The following SMIM30 variants were observed in gnomAD, a reference collection of about 807,000 sequenced individuals.
The protein encoded by SMIM30 is long intergenic non-protein coding RNA 998.
For missense variants in SMIM30, 43 were observed against 27.6 expected (o/e 1.56, Z -1.25); for synonymous variants, 19 against 11.5 (o/e 1.65, Z -1.31).
chr7:113,117,488 T>C lies in SMIM30; in HGVS notation c.91A>G (p.Ile31Val), dbSNP rs1794701113. Residue 31 changes from isoleucine to valine, a missense_variant, in exon 3 of 3, where the codon ATC becomes GTC. Ile to Val is a conservative substitution (Grantham distance 29). Transcript: ENST00000397764. ...VVEAVEAGDAIALLLGVVLSI... is the reference protein window; with the variant it reads ...VVEAVEAGDAVALLLGVVLSI... ...AGAACCACACCTAACAAAAGGGCGA[T>C]TGCATCACCGGCTTCTACTGCTTCC... is the stretch of plus-strand genomic sequence containing the variant. 2.8e-6 allele frequency: 2 copies of C among 702,780 alleles called. No homozygotes were observed. The highest frequency in any genetic ancestry group is 5.2e-6 in the Non-Finnish European group (2 of 384,894). 43.5% of individuals were successfully genotyped at this position (702,780 alleles called of 1,614,324 possible). A position where few individuals can be genotyped will look rare whatever the true frequency, so the allele number is the denominator to read the frequency against.
Position 113,117,354 on chromosome 7 carries a change from G to A in SMIM30, c.*45C>T, listed in dbSNP as rs999306451. 8.6e-6 allele frequency: 6 copies of A among 701,170 alleles called. No homozygotes were observed. Among genetic ancestry groups the A allele is most frequent in the Middle Eastern group, 2.3e-4 (1 of 4,386 alleles). The allele number at this position is 701,170 out of a possible 1,614,324, so 43.4% of individuals were successfully genotyped here. On this transcript the variant is annotated 3_prime_UTR_variant, in exon 3 of 3. Coordinates refer to ENST00000397764, the MANE Select transcript of SMIM30 (RefSeq NM_001352688.2). ...AAATCTCAGGTTTAGCCTCTAAAGC[G>A]CAAAGGTTTTCAGGGTGAGGTTTGA...
At chr7:113,117,822 A>T (rs1794710480) in intron 2 of SMIM30, 5 of 510,298 alleles carry the variant, frequency 9.8e-6, no homozygotes, top group Admixed American at 9.6e-5. Flanking sequence ...AACACTCTAA[A>T]CCCAGGAATT....
In SMIM30 at chr7:113,117,099, T is replaced by A. The variant is rs1201210044; in HGVS notation, c.*300A>T. On this transcript the variant is annotated 3_prime_UTR_variant, in exon 3 of 3. Coordinates refer to ENST00000397764, the MANE Select transcript of SMIM30 (RefSeq NM_001352688.2). Reference sequence around the variant, plus strand: ...AGAACTTCCTTCTTCCTATTTCACATGCTTTGAGAGAATTCTAAGATTATG... The same window carrying A: ...AGAACTTCCTTCTTCCTATTTCACAAGCTTTGAGAGAATTCTAAGATTATG... The A allele has an allele frequency of 9.5e-6, 3 of 314,456 alleles. No homozygotes were observed. Among genetic ancestry groups the A allele is most frequent in the Non-Finnish European group, 1.8e-5 (3 of 163,202 alleles). 19.5% of individuals were successfully genotyped at this position (314,456 alleles called of 1,614,324 possible). A position where few individuals can be genotyped will look rare whatever the true frequency, so the allele number is the denominator to read the frequency against.
rs1235686466 is a variant in SMIM30 at position 113,117,224 on chromosome 7, AC to A, written c.*174del. 10 of 571,946 alleles carry A rather than the reference AC, an allele frequency of 1.7e-5. No homozygotes were observed. Among genetic ancestry groups the A allele is most frequent in the Non-Finnish European group, 3.1e-5 (10 of 320,432 alleles). The allele number at this position is 571,946 out of a possible 1,614,324, so 35.4% of individuals were successfully genotyped here. A position where few individuals can be genotyped will look rare whatever the true frequency, so the allele number is the denominator to read the frequency against. On this transcript the variant is annotated 3_prime_UTR_variant, in exon 3 of 3. Coordinates refer to ENST00000397764, the MANE Select transcript of SMIM30 (RefSeq NM_001352688.2). Reference sequence around the variant, plus strand: ...CTGTGCATTATTTGTTGTAAAGAAAACATTTTTTTTTCAATTTATAAATGTA... The same window carrying A: ...CTGTGCATTATTTGTTGTAAAGAAAAATTTTTTTTTCAATTTATAAATGTA...
chr7:113,118,390 G>A lies in SMIM30; in HGVS notation c.-124+138C>T, dbSNP rs747223460. On this transcript the variant is annotated intron_variant, in intron 1 of 2. Transcript: ENST00000397764. ...AAAAGGTAAAAAGAAACAGAACAGA[G>A]ATAATTTCATTTCAGGACTTGATAT... The A allele has an allele frequency of 6.6e-6, 3 of 455,012 alleles. No homozygotes were observed. The Admixed American group carries it at 7.1e-5, about 11-fold the overall frequency. The allele number at this position is 455,012 out of a possible 1,614,324, so 28.2% of individuals were successfully genotyped here. A position where few individuals can be genotyped will look rare whatever the true frequency, so the allele number is the denominator to read the frequency against.
chr7:113,117,349 A>G lies in SMIM30; in HGVS notation c.*50T>C. The G allele has an allele frequency of 1.4e-6, 1 of 700,322 alleles. No individual in the cohort carries two copies. The highest frequency in any genetic ancestry group is 2.6e-6 in the Non-Finnish European group (1 of 383,000). The allele number at this position is 700,322 out of a possible 1,614,324, so 43.4% of individuals were successfully genotyped here. A position where few individuals can be genotyped will look rare whatever the true frequency, so the allele number is the denominator to read the frequency against. On this transcript the variant is annotated 3_prime_UTR_variant, in exon 3 of 3. Transcript: ENST00000397764. ...ACACCAAATCTCAGGTTTAGCCTCT[A>G]AAGCGCAAAGGTTTTCAGGGTGAGG...
At position 113,118,533 on chromosome 7, in the gene SMIM30, A is replaced by C. The variant is rs982646843; in HGVS notation, c.-129T>G. ...GAGACGAGTTCGTACATTACCTTCT[A>C]GGAAGCAGCCATTACAGGAATGGCG... On this transcript the variant is annotated 5_prime_UTR_variant, in exon 1 of 3. The change abolishes the stop of an existing upstream ORF in the 5' untranslated region. Coordinates refer to ENST00000397764, the MANE Select transcript of SMIM30 (RefSeq NM_001352688.2). 1 of 455,706 alleles carries C rather than the reference A, an allele frequency of 2.2e-6. No individual in the cohort carries two copies. Among genetic ancestry groups the C allele is most frequent in the Non-Finnish European group, 4.4e-6 (1 of 226,790 alleles). 28.2% of individuals were successfully genotyped at this position (455,706 alleles called of 1,614,324 possible). A position where few individuals can be genotyped will look rare whatever the true frequency, so the allele number is the denominator to read the frequency against.
intron 2 of SMIM30, 38 bp downstream of exon 2, chr7:113,118,030 A>G (rs751323953): frequency 9.0e-6 from 4 of 445,382 alleles, no homozygotes; most frequent in African/African-American, 6.1e-5. Context: ...CACACAACAT[A>G]TAACTCTGCG....
Position 113,117,115 on chromosome 7 carries a change from T to C in SMIM30, c.*284A>G, listed in dbSNP as rs1436495976. The C allele has an allele frequency of 1.4e-5, 5 of 353,220 alleles. No individual in the cohort carries two copies. The South Asian group carries it at 1.5e-4, about 11-fold the overall frequency. The allele number at this position is 353,220 out of a possible 1,614,324, so 21.9% of individuals were successfully genotyped here. On this transcript the variant is annotated 3_prime_UTR_variant, in exon 3 of 3. Transcript: ENST00000397764. ...TATTTCACATGCTTTGAGAGAATTCTAAGATTATGAAATATTACTTATGTA... is the reference window on the plus strand; with the variant it reads ...TATTTCACATGCTTTGAGAGAATTCCAAGATTATGAAATATTACTTATGTA...
In SMIM30 at chr7:113,117,254, T is replaced by C. The variant is rs1192842820; in HGVS notation, c.*145A>G. 113 of 597,138 alleles carry C rather than the reference T, an allele frequency of 1.9e-4. No individual in the cohort carries two copies. Among genetic ancestry groups the C allele is most frequent in the Non-Finnish European group, 2.1e-4 (71 of 334,268 alleles). The allele number at this position is 597,138 out of a possible 1,614,324, so 37.0% of individuals were successfully genotyped here. On this transcript the variant is annotated 3_prime_UTR_variant, in exon 3 of 3. Transcript: ENST00000397764. The stretch of plus-strand genomic sequence containing the variant: ...TTTTTTTCAATTTATAAATGTATGT[T>C]TGTTGCCATTTCATGGAAACAATGA...
Position 113,118,051 on chromosome 7 carries a change from G to T in SMIM30, c.-30+17C>A, listed in dbSNP as rs1267899701. On this transcript the variant is annotated intron_variant, in intron 2 of 2. Transcript: ENST00000397764. Reference sequence around the variant, plus strand: ...ACATATAACTCTGCGAAGTTGTGGGGAATTAATAAGACTTACCAAAGAAAT... The same window carrying T: ...ACATATAACTCTGCGAAGTTGTGGGTAATTAATAAGACTTACCAAAGAAAT... 3 of 445,748 alleles carry T rather than the reference G, an allele frequency of 6.7e-6. No individual in the cohort carries two copies. The highest frequency in any genetic ancestry group is 1.3e-5 in the Non-Finnish European group (3 of 223,796). The allele number at this position is 445,748 out of a possible 1,614,324, so 27.6% of individuals were successfully genotyped here. A position where few individuals can be genotyped will look rare whatever the true frequency, so the allele number is the denominator to read the frequency against.
chr7:113,117,758 A>T, intron 2 of SMIM30, 151 bp from the exon 3 acceptor site: 1 of 603,690 alleles, frequency 1.7e-6, no homozygotes, highest in South Asian at 2.0e-5. Flanking sequence ...ATAGGTGGAA[A>T]AACAGAGGGA....
chr7:113,117,690 C>CAG (rs1794706473), intron 2 of SMIM30, 83 bp from the exon 3 acceptor site: 1 of 680,680 alleles, frequency 1.5e-6, no homozygotes, highest in Admixed American at 2.1e-5. Flanking sequence ...TGACAAATAA[C>CAG]AGGCCAGCCA....
intron 2 of SMIM30, 73 bp downstream of exon 2, chr7:113,117,991 CAAGA>C: frequency 2.1e-5 from 8 of 389,588 alleles, no homozygotes; most frequent in South Asian, 1.6e-4. Flanking sequence ...CTCTCCCATC[CAAGA>C]AATGCAGACA....
intron 2 of SMIM30, 68 bp downstream of exon 2, chr7:113,118,000 C>A: frequency 2.5e-6 from 1 of 398,570 alleles, no homozygotes; most frequent in South Asian, 1.9e-5. Context: ...CCAAGAAATG[C>A]AGACAAATTT....
intron 2 of SMIM30, 191 bp downstream of exon 2, chr7:113,117,877 T>G: frequency 2.4e-6 from 1 of 410,944 alleles, no homozygotes; most frequent in Non-Finnish European, 4.5e-6. Context: ...AAACAAAAAT[T>G]GAACAGGAGT....
In SMIM30 at chr7:113,117,227, T is replaced by C. The variant is rs1204093985; in HGVS notation, c.*172A>G. ...TGCATTATTTGTTGTAAAGAAAACA[T>C]TTTTTTTTCAATTTATAAATGTATG... On this transcript the variant is annotated 3_prime_UTR_variant, in exon 3 of 3. Transcript: ENST00000397764. The C allele has an allele frequency of 1.9e-6, 1 of 537,418 alleles. No individual in the cohort carries two copies. The highest frequency in any genetic ancestry group is 3.1e-5 in the Admixed American group (1 of 32,058). 33.3% of individuals were successfully genotyped at this position (537,418 alleles called of 1,614,324 possible).
rs1794693300 is a variant in SMIM30, at chr7:113,117,146, C to CA, written c.*252dup. On this transcript the variant is annotated 3_prime_UTR_variant, in exon 3 of 3. Transcript: ENST00000397764. ...TATGAAATATTACTTATGTAAATTT[C>CA]AGCCATCTTACTTCTTTGACTACCT... 1 of 429,162 alleles carries CA rather than the reference C, an allele frequency of 2.3e-6. No individual in the cohort carries two copies. The highest frequency in any genetic ancestry group is 2.0e-5 in the African/African-American group (1 of 50,678). The allele number at this position is 429,162 out of a possible 1,614,324, so 26.6% of individuals were successfully genotyped here.
At chr7:113,118,448 G>A (rs980109066) in intron 1 of SMIM30, 80 bp downstream of exon 1, 2 of 456,054 alleles carry the variant, frequency 4.4e-6, no homozygotes, top group Admixed American at 2.3e-5. Context: ...ACTTTGGCCC[G>A]GCAAGGTCCA....
Sources: gnomAD v4.1 joint callset for allele counts on GRCh38, gnomAD v4.1.1 for gene constraint, MANE v1.5 for transcripts, NCBI Gene and HGNC (gene_info 2026-07-23, HGNC 2026-07-21) for gene names.